PPP2R1A: variants seen among roughly 807,000 people sequenced by gnomAD.
PPP2R1A encodes the protein protein phosphatase 2 scaffold subunit Aalpha.
Under a neutral mutation model 67.1 loss-of-function variants are expected in PPP2R1A, and 15 were observed. The ratio of observed to expected loss-of-function variants is 0.22; its 90% CI spans 0.15 to 0.34. PPP2R1A has a LOEUF of 0.34. Among genes scored for constraint, PPP2R1A ranks in the 10% least tolerant of loss-of-function variants. PPP2R1A has a pLI of 1.00. For synonymous variants in PPP2R1A, 337 were observed against 325.0 expected (o/e 1.04, Z -0.40); for missense variants, 369 against 775.0 (o/e 0.48, Z 6.22).
intron 2 of PPP2R1A, among the ~76,000 whole-genome samples, chr19:52,205,298 G>C (rs2089590608): frequency 6.6e-6 from 1 of 152,182 alleles, no homozygotes; most frequent in Non-Finnish European, 1.5e-5. Flanking sequence ...GGACAGAACG[G>C]ATTTTCCCTT....
chr19:52,202,874 A>G, intron 2 of PPP2R1A, among the ~76,000 whole-genome samples: 1 of 152,258 alleles, frequency 6.6e-6, no homozygotes, highest in East Asian at 1.9e-4. Flanking sequence ...AACACTGTAT[A>G]GTACGTGCCG....
Position 52,206,076 on chromosome 19 carries a change from C to T in PPP2R1A, c.270+13C>T. On this transcript the variant is annotated intron_variant, in intron 3 of 14. Transcript: ENST00000322088. ...GCACTGCCTGCTGGTGAGTGGAAGG[C>T]AGGAAGTCCTCTTGCCCACCCCTTA... is the stretch of plus-strand genomic sequence containing the variant. 1.2e-6 allele frequency: 2 copies of T among 1,610,270 alleles called. No individual in the cohort carries two copies. Among genetic ancestry groups the T allele is most frequent in the Non-Finnish European group, 1.7e-6 (2 of 1,176,708 alleles).
intron 13 of PPP2R1A, among the ~76,000 whole-genome samples, chr19:52,225,303 T>G (rs1979188514): frequency 6.6e-6 from 1 of 152,156 alleles, no homozygotes; most frequent in Non-Finnish European, 1.5e-5. Context: ...ATTACAGATG[T>G]GAGCCACCAC....
intron 1 of PPP2R1A, among the ~76,000 whole-genome samples, chr19:52,196,276 G>A (rs746719525): frequency 6.6e-6 from 1 of 152,140 alleles, no homozygotes; most frequent in African/African-American, 2.4e-5. Context: ...GGAATGTGAC[G>A]GAGACCCCAA....
chr19:52,214,266 A>G (rs1026547669), intron 6 of PPP2R1A, among the ~76,000 whole-genome samples: 2 of 151,868 alleles, frequency 1.3e-5, no homozygotes, highest in Non-Finnish European at 2.9e-5. Flanking sequence ...GATCGGAGAG[A>G]GGGCAGGGTG....
intron 3 of PPP2R1A, among the ~76,000 whole-genome samples, chr19:52,207,837 A>C (rs953657544): frequency 6.6e-6 from 1 of 152,118 alleles, no homozygotes; most frequent in Non-Finnish European, 1.5e-5. Context: ...TGCTATCCTC[A>C]GAGGGCTCCT....
intron 13 of PPP2R1A, among the ~76,000 whole-genome samples, chr19:52,223,209 T>C (rs936284381): frequency 6.6e-6 from 1 of 152,184 alleles, no homozygotes; most frequent in Non-Finnish European, 1.5e-5. Flanking sequence ...CAATTTGATA[T>C]CCATTTAGGA....
Position 52,216,121 on chromosome 19 carries a change from A to G in PPP2R1A, c.993+47A>G. The G allele has an allele frequency of 1.9e-6, 3 of 1,570,086 alleles. No individual in the cohort carries two copies. The highest frequency in any genetic ancestry group is 2.6e-6 in the Non-Finnish European group (3 of 1,140,318). ...GGAACCAAGTGGATCCGAGCCTGCC[A>G]AAAAGAGGGGCTGGAGACAAGGCTT... On this transcript the variant is annotated intron_variant, in intron 8 of 14. Coordinates refer to ENST00000322088, the MANE Select transcript of PPP2R1A (RefSeq NM_014225.6). The surrounding 1 kb of genome is among the most constrained non-coding windows in gnomAD (Gnocchi z 4.3).
chr19:52,198,863 A>G (rs2122291579), intron 1 of PPP2R1A, among the ~76,000 whole-genome samples: 1 of 152,332 alleles, frequency 6.6e-6, no homozygotes, highest in East Asian at 1.9e-4. Context: ...CAGAGCAGTT[A>G]TGAGGATTCA....
intron 9 of PPP2R1A, among the ~76,000 whole-genome samples, chr19:52,217,070 A>G (rs1978619901): frequency 6.6e-6 from 1 of 152,122 alleles, no homozygotes; most frequent in Non-Finnish European, 1.5e-5. Context: ...AGTGCCTGTA[A>G]TCTCAGCTAC....
At chr19:52,221,978 C>T (rs1370333065) in intron 12 of PPP2R1A, 121 bp from the exon 13 acceptor site, 4 of 989,390 alleles carry the variant, frequency 4.0e-6, no homozygotes, top group Non-Finnish European at 5.8e-6. Flanking sequence ...AACTGAGTCA[C>T]CCGTATTGCT....
At chr19:52,225,921 G>T in intron 14 of PPP2R1A, 44 bp from the exon 15 acceptor site, 1 of 1,614,238 alleles carries the variant, frequency 6.2e-7, no homozygotes, top group Non-Finnish European at 8.5e-7. Context: ...TGTGGGCAGA[G>T]AGAGGGCTCT....
intron 3 of PPP2R1A, among the ~76,000 whole-genome samples, chr19:52,206,295 C>A (rs1176602936): frequency 6.6e-6 from 1 of 152,138 alleles, no homozygotes; most frequent in Non-Finnish European, 1.5e-5. Context: ...CAGTGCCAGG[C>A]CTTACCTGGG....
At chr19:52,225,680 C>G in intron 13 of PPP2R1A, 37 bp from the exon 14 acceptor site, 1 of 1,594,528 alleles carries the variant, frequency 6.3e-7, no homozygotes. Flanking sequence ...TCCATCCTGG[C>G]TCACCCTCTC....
intron 11 of PPP2R1A, 48 bp from the exon 12 acceptor site, chr19:52,220,931 G>T: frequency 1.2e-6 from 2 of 1,604,964 alleles, no homozygotes; most frequent in South Asian, 1.1e-5. Context: ...GCCCACATCA[G>T]TTCTTCACCT....
chr19:52,222,663 G>T (rs1048279440), intron 13 of PPP2R1A, among the ~76,000 whole-genome samples: 2 of 152,232 alleles, frequency 1.3e-5, no homozygotes, highest in Admixed American at 6.5e-5. Flanking sequence ...ATCAGTTGAG[G>T]TCAGGAGTTC....
intron 12 of PPP2R1A, 35 bp from the exon 13 acceptor site, chr19:52,222,064 T>A: frequency 6.4e-7 from 1 of 1,567,066 alleles, no homozygotes; most frequent in Non-Finnish European, 8.7e-7. Context: ...GCCAGGAGCT[T>A]TGCATACTCA....
intron 1 of PPP2R1A, among the ~76,000 whole-genome samples, chr19:52,199,930 T>C (rs1334312042): frequency 6.6e-6 from 1 of 152,250 alleles, no homozygotes; most frequent in African/African-American, 2.4e-5. Flanking sequence ...GTTTTTGGAC[T>C]ACCTGTATGA....
intron 1 of PPP2R1A, among the ~76,000 whole-genome samples, chr19:52,194,088 CAA>C (rs915576804): frequency 1.5e-3 from 91 of 60,504 alleles, no homozygotes; most frequent in African/African-American, 4.9e-3. Context: ...ACCCTGTCTC[CAA>C]AAAAAAAAAA....
Sources: allele counts gnomAD v4.1 joint callset (sites outside exome capture counted in the v4.1 genomes callset), GRCh38; gene constraint gnomAD v4.1.1; non-coding constraint Gnocchi (gnomAD v3.1); transcripts MANE v1.5; gene names NCBI Gene and HGNC (gene_info 2026-07-23, HGNC 2026-07-21).